GPATCH11: variants seen among roughly 807,000 people sequenced by gnomAD.
GPATCH11 encodes G patch domain-containing protein 11.
GPATCH11 carries 32 observed loss-of-function variants against 44.8 expected under a neutral mutation model. The observed-to-expected ratio is 0.71, with a 90% CI of 0.54 to 0.96. GPATCH11 has a LOEUF of 0.96. GPATCH11 is among the 40% of genes least tolerant of loss of function. GPATCH11 has a pLI of 0.00. For missense variants in GPATCH11, 324 were observed against 303.1 expected (o/e 1.07, Z -0.51); for synonymous variants, 84 against 94.4 (o/e 0.89, Z 0.64).
intron 1 of GPATCH11, among the ~76,000 whole-genome samples, chr2:37,085,865 T>A (rs1462224438): frequency 6.6e-6 from 1 of 152,206 alleles, no homozygotes; most frequent in Non-Finnish European, 1.5e-5. Context: ...CCAGGCTGAG[T>A]CATTTGAAGG....
At position 37,097,319 on chromosome 2, in the gene GPATCH11, TAATG is replaced by T. The variant is rs1207758014; in HGVS notation, c.*1060_*1063del. The T allele has an allele frequency of 6.6e-6, 1 of 152,196 alleles. No homozygotes were observed. Among genetic ancestry groups the T allele is most frequent in the African/African-American group, 2.4e-5 (1 of 41,448 alleles). The allele number at this position is 152,196 out of a possible 1,614,324, so 9.4% of individuals were successfully genotyped here. Reference sequence around the variant, plus strand: ...ACTGAAATCTGCTTCCCTGTAATATTAATGAATACAGCTAAGGACATACCGTGTG... The same window carrying T: ...ACTGAAATCTGCTTCCCTGTAATATTAATACAGCTAAGGACATACCGTGTG... On this transcript the variant is annotated 3_prime_UTR_variant, in exon 9 of 9. Coordinates refer to ENST00000674370, the MANE Select transcript of GPATCH11 (RefSeq NM_174931.4).
rs1318040482 is a variant in GPATCH11, at chr2:37,084,544, G to C, written c.-40G>C. 3.2e-6 allele frequency: 4 copies of C among 1,231,918 alleles called. No individual in the cohort carries two copies. The highest frequency in any genetic ancestry group is 4.2e-5 in the Admixed American group (1 of 23,688). 76.3% of individuals were successfully genotyped at this position (1,231,918 alleles called of 1,614,324 possible). A position where few individuals can be genotyped will look rare whatever the true frequency, so the allele number is the denominator to read the frequency against. On this transcript the variant is annotated 5_prime_UTR_variant, in exon 1 of 9. Transcript: ENST00000674370. ...TGCGCAGCGCGCGCTCTACGGCGCT[G>C]AACCGGGGCGAGCAGAGAGCTGTCA...
chr2:37,097,509 G>A lies in GPATCH11; in HGVS notation c.*1246G>A, dbSNP rs1227243457. On this transcript the variant is annotated 3_prime_UTR_variant, in exon 9 of 9. Transcript: ENST00000674370. ...ATTTATTTTGAAGTCCCAAGAATGA[G>A]TGATAAGCACCTGAGGATAAGAACT... 1.3e-5 allele frequency: 2 copies of A among 152,184 alleles called. No individual in the cohort carries two copies. 9.4% of individuals were successfully genotyped at this position (152,184 alleles called of 1,614,324 possible). A position where few individuals can be genotyped will look rare whatever the true frequency, so the allele number is the denominator to read the frequency against.
chr2:37,095,647 T>A, intron 8 of GPATCH11, 129 bp downstream of exon 8: 1 of 983,842 alleles, frequency 1.0e-6, no homozygotes, highest in Non-Finnish European at 1.4e-6. Context: ...ATTTCTTAAA[T>A]AGTGGATATA....
At chr2:37,088,766 C>A (rs1410527700) in intron 2 of GPATCH11, among the ~76,000 whole-genome samples, 3 of 152,214 alleles carry the variant, frequency 2.0e-5, no homozygotes, top group Non-Finnish European at 4.4e-5. Context: ...AGGCGATCCT[C>A]CGGCTTTGGC....
chr2:37,091,471 G>A (rs191345820), intron 4 of GPATCH11, among the ~76,000 whole-genome samples: 3 of 152,168 alleles, frequency 2.0e-5, no homozygotes, highest in Non-Finnish European at 2.9e-5. Context: ...GAGGCGGGAC[G>A]ATTCCTGGAG....
rs189187630 is a variant in GPATCH11 at position 37,089,497 on chromosome 2, G to A, written c.60-143G>A. ...CAAGAGAATCGGTTGAACCCAGGAGGCGGAGGTTGCAGTGAGCCAAGATTA... is the reference window on the plus strand; with the variant it reads ...CAAGAGAATCGGTTGAACCCAGGAGACGGAGGTTGCAGTGAGCCAAGATTA... On this transcript the variant is annotated intron_variant, in intron 2 of 8. Transcript: ENST00000674370. 102 of 635,594 alleles carry A rather than the reference G, an allele frequency of 1.6e-4. No individual in the cohort carries two copies. The East Asian group carries it at 2.2e-3, about 14-fold the overall frequency. 39.4% of individuals were successfully genotyped at this position (635,594 alleles called of 1,614,324 possible).
Position 37,091,969 on chromosome 2 carries a change from T to C in GPATCH11, c.382T>C (p.Leu128=), listed in dbSNP as rs752288004. The C allele has an allele frequency of 1.2e-6, 2 of 1,613,054 alleles. No individual in the cohort carries two copies. Among genetic ancestry groups the C allele is most frequent in the South Asian group, 1.1e-5 (1 of 91,040 alleles). Residue 128 remains leucine (L), a synonymous_variant, in exon 5 of 9, where the codon TTG becomes CTG. Transcript: ENST00000674370. ...ASLKRKAEEK[L]ESYRKKIHMK... ...ATTAAAACGGAAAGCAGAGGAAAAA[T>C]TGGAAAGCTACAGAAAAAAGATTCA...
rs1673681374 is a variant in GPATCH11, at chr2:37,098,164, A to G, written c.*1901A>G. 1 of 151,832 alleles carries G rather than the reference A, an allele frequency of 6.6e-6. No individual in the cohort carries two copies. Among genetic ancestry groups the G allele is most frequent in the Non-Finnish European group, 1.5e-5 (1 of 67,978 alleles). The allele number at this position is 151,832 out of a possible 1,614,324, so 9.4% of individuals were successfully genotyped here. On this transcript the variant is annotated 3_prime_UTR_variant, in exon 9 of 9. Transcript: ENST00000674370. ...ATGGTGAAACCCCATCTCTACTAAAAATACAAAAATTAGCTGGGCGTGGTG... is the reference window on the plus strand; with the variant it reads ...ATGGTGAAACCCCATCTCTACTAAAGATACAAAAATTAGCTGGGCGTGGTG...
In GPATCH11 at chr2:37,088,445, G is replaced by C; in HGVS notation, c.59+5G>C. On this transcript the variant is annotated splice_donor_5th_base_variant and intron_variant, in intron 2 of 8. Transcript: ENST00000674370. Reference sequence around the variant, plus strand: ...TGATTCCTTCATTAATGTCCAGTAAGTAAATGTGCACACCCAGTGCAATGA... The same window carrying C: ...TGATTCCTTCATTAATGTCCAGTAACTAAATGTGCACACCCAGTGCAATGA... The C allele has an allele frequency of 6.7e-7, 1 of 1,487,216 alleles. No homozygotes were observed. Among genetic ancestry groups the C allele is most frequent in the Non-Finnish European group, 9.3e-7 (1 of 1,071,140 alleles). 92.1% of individuals were successfully genotyped at this position (1,487,216 alleles called of 1,614,324 possible).
rs1190539002 is a variant in GPATCH11, at chr2:37,084,647, C to G, written c.-14+77C>G. 6 of 1,122,192 alleles carry G rather than the reference C, an allele frequency of 5.3e-6. No individual in the cohort carries two copies. The East Asian group carries it at 9.6e-5, about 18-fold the overall frequency. The allele number at this position is 1,122,192 out of a possible 1,614,324, so 69.5% of individuals were successfully genotyped here. A position where few individuals can be genotyped will look rare whatever the true frequency, so the allele number is the denominator to read the frequency against. On this transcript the variant is annotated intron_variant, in intron 1 of 8. Coordinates refer to ENST00000674370, the MANE Select transcript of GPATCH11 (RefSeq NM_174931.4). ...GGCAGAGTGCGCTGGCCATGACTACCGTATCACACCGTCAGCCACTTTTCC... is the reference window on the plus strand; with the variant it reads ...GGCAGAGTGCGCTGGCCATGACTACGGTATCACACCGTCAGCCACTTTTCC...
At chr2:37,088,546 C>CAAAA in intron 2 of GPATCH11, 106 bp downstream of exon 2, 1 of 620,746 alleles carries the variant, frequency 1.6e-6, no homozygotes, top group Non-Finnish European at 2.8e-6. Flanking sequence ...GACAGGGTCT[C>CAAAA]ATTCTGTTAG....
At position 37,097,310 on chromosome 2, in the gene GPATCH11, C is replaced by G. The variant is rs1350711756; in HGVS notation, c.*1047C>G. On this transcript the variant is annotated 3_prime_UTR_variant, in exon 9 of 9. Coordinates refer to ENST00000674370, the MANE Select transcript of GPATCH11 (RefSeq NM_174931.4). ...TTCTCTTAAACTGAAATCTGCTTCC[C>G]TGTAATATTAATGAATACAGCTAAG... 1 of 152,072 alleles carries G rather than the reference C, an allele frequency of 6.6e-6. No homozygotes were observed. Among genetic ancestry groups the G allele is most frequent in the Non-Finnish European group, 1.5e-5 (1 of 68,024 alleles). The allele number at this position is 152,072 out of a possible 1,614,324, so 9.4% of individuals were successfully genotyped here.
intron 8 of GPATCH11, among the ~76,000 whole-genome samples, chr2:37,095,934 T>A (rs1673556907): frequency 6.6e-6 from 1 of 152,176 alleles, no homozygotes; most frequent in Non-Finnish European, 1.5e-5. Flanking sequence ...TTTTTTTCCA[T>A]TGTAAGGATA....
chr2:37,093,678 G>A (rs1173873049), intron 6 of GPATCH11, among the ~76,000 whole-genome samples: 2 of 151,748 alleles, frequency 1.3e-5, no homozygotes, highest in African/African-American at 4.8e-5. Flanking sequence ...TTTTTTTTGA[G>A]ATGGAGTCTC....
chr2:37,091,993 C>G lies in GPATCH11; in HGVS notation c.406C>G (p.His136Asp). Residue 136 changes from histidine (H) to aspartate (D), a missense_variant, in exon 5 of 9, where the codon CAC becomes GAC. By Grantham distance (81) the His-to-Asp change is moderately conservative (BLOSUM62 -1). Transcript: ENST00000674370. ...EKLESYRKKI[H>D]MKNQAEEKAA... ...ATTGGAAAGCTACAGAAAAAAGATTCACATGAAAAACCAAGCTGAAGAAAA... is the reference window on the plus strand; with the variant it reads ...ATTGGAAAGCTACAGAAAAAAGATTGACATGAAAAACCAAGCTGAAGAAAA... The G allele has an allele frequency of 1.2e-6, 2 of 1,613,290 alleles. No individual in the cohort carries two copies. The highest frequency in any genetic ancestry group is 1.7e-6 in the Non-Finnish European group (2 of 1,179,470).
Position 37,091,950 on chromosome 2 carries a change from A to T in GPATCH11, c.363A>T (p.Lys121Asn). ...KSGIGHEASL[K>N]RKAEEKLESY... ...GCATTGGTCATGAGGCATCATTAAA[A>T]CGGAAAGCAGAGGAAAAATTGGAAA... The change falls in exon 5 of 9, where the codon AAA (lysine) becomes AAT (asparagine). Residue 121 changes from lysine to asparagine, a missense_variant. By Grantham distance (94) the Lys-to-Asn change is moderately conservative. Transcript: ENST00000674370. 2 of 1,613,106 alleles carry T rather than the reference A, an allele frequency of 1.2e-6. No homozygotes were observed.
chr2:37,094,180 G>C lies in GPATCH11; in HGVS notation c.639G>C (p.Lys213Asn), dbSNP rs149633791. 9.0e-6 allele frequency: 14 copies of C among 1,552,630 alleles called. No individual in the cohort carries two copies. In the African/African-American group the frequency reaches 1.8e-4, roughly 20 times the overall value. ...EEKEQDEDEY[K>N]SEDLSVLEKL... ...AAGAACAGGATGAAGATGAATATAA[G>C]AGTGAAGATTTAAGCGTATGCTTTG... The change falls in exon 7 of 9, where the codon AAG becomes AAC. Residue 213 changes from lysine (K) to asparagine (N), a missense_variant. Physicochemically the swap from Lys to Asn is moderately conservative, Grantham distance 94 (BLOSUM62 0). Coordinates refer to ENST00000674370, the MANE Select transcript of GPATCH11 (RefSeq NM_174931.4).
chr2:37,092,536 CAT>C (rs988911648), intron 6 of GPATCH11, among the ~76,000 whole-genome samples: 8 of 146,912 alleles, frequency 5.4e-5, no homozygotes, highest in African/African-American at 2.0e-4. Flanking sequence ...TTTATCTACT[CAT>C]TAAAGCTTTC....
Sources: gnomAD v4.1 joint callset for allele counts (sites outside exome capture counted in the v4.1 genomes callset) on GRCh38, gnomAD v4.1.1 for gene constraint, MANE v1.5 for transcripts, NCBI Gene and HGNC (gene_info 2026-07-23, HGNC 2026-07-21) for gene names.